TMEM177: variants seen among roughly 807,000 people sequenced by gnomAD.
TMEM177 encodes the protein transmembrane protein 177.
Under a neutral mutation model 14.2 loss-of-function variants are expected in TMEM177, and 4 were observed. The observed-to-expected ratio is 0.28, with a 90% CI of 0.14 to 0.64. TMEM177 has a LOEUF of 0.64. Among genes scored for constraint, TMEM177 ranks in the 30% least tolerant of loss-of-function variants. The probability of loss-of-function intolerance (pLI) is 0.82; values close to 1 mark genes in which losing one functional copy is unlikely to be tolerated. For missense variants in TMEM177, 344 were observed against 405.2 expected (o/e 0.85, Z 1.30); for synonymous variants, 179 against 174.5 (o/e 1.03, Z -0.20).
downstream of TMEM177, among the ~76,000 whole-genome samples, chr2:119,688,866 C>T (rs951544054): frequency 6.6e-6 from 1 of 152,204 alleles, no homozygotes; most frequent in South Asian, 2.1e-4. Context: ...ACTGACAGCC[C>T]CAGCTGCTGT....
chr2:119,687,340 A>G (rs934347303), downstream of TMEM177, among the ~76,000 whole-genome samples: 1 of 152,192 alleles, frequency 6.6e-6, no homozygotes, highest in Non-Finnish European at 1.5e-5. Context: ...ATGAGACTGC[A>G]TGTATTAATC....
At chr2:119,704,968 A>G in the TMEM177 span, among the ~76,000 whole-genome samples, 1 of 152,208 alleles carries the variant, frequency 6.6e-6, no homozygotes, top group African/African-American at 2.4e-5. Context: ...CACATCTGGA[A>G]GGGAAAGTTG....
the TMEM177 span, among the ~76,000 whole-genome samples, chr2:119,693,015 A>G: frequency 1.4e-5 from 2 of 144,722 alleles, no homozygotes; most frequent in African/African-American, 5.1e-5. Flanking sequence ...ATTTGTCCCC[A>G]GGTCCCTGTG....
At chr2:119,711,005 T>TC in the TMEM177 span, among the ~76,000 whole-genome samples, 1 of 152,022 alleles carries the variant, frequency 6.6e-6, no homozygotes, top group Non-Finnish European at 1.5e-5. Context: ...AAGATTATCT[T>TC]CCCCATTGCA....
the TMEM177 span, among the ~76,000 whole-genome samples, chr2:119,695,564 G>A: frequency 5.3e-5 from 8 of 152,336 alleles, no homozygotes; most frequent in African/African-American, 1.4e-4. Flanking sequence ...AGCAAGGGCA[G>A]AGAGGTGGGG....
At chr2:119,708,644 G>GACAC in the TMEM177 span, among the ~76,000 whole-genome samples, 28,652 of 146,658 alleles carry the variant, frequency 0.2, 2,780 homozygotes, top group South Asian at 0.27. Flanking sequence ...ATCACACGCA[G>GACAC]ACACACACAC....
At chr2:119,716,706 A>C in the TMEM177 span, among the ~76,000 whole-genome samples, 2 of 152,210 alleles carry the variant, frequency 1.3e-5, no homozygotes, top group Admixed American at 1.3e-4. Flanking sequence ...TCCAGAATAT[A>C]GATCCAATAT....
At chr2:119,707,014 C>T in the TMEM177 span, among the ~76,000 whole-genome samples, 9 of 151,958 alleles carry the variant, frequency 5.9e-5, no homozygotes, top group African/African-American at 1.9e-4. Context: ...CAGGTTCAAG[C>T]GATTCTCCTG....
Position 119,681,418 on chromosome 2 carries a change from T to G in TMEM177, c.565T>G (p.Tyr189Asp), listed in dbSNP as rs1456883886. 1 of 1,613,960 alleles carries G rather than the reference T, an allele frequency of 6.2e-7. No individual in the cohort carries two copies. The stretch of plus-strand genomic sequence containing the variant: ...CTGGGCACTGGGCGTGGGTGCCAAG[T>G]ACACCCTGGGGCTCCATGCAGGCCC... ...GTWALGVGAKYTLGLHAGPMN... is the reference protein window; with the variant it reads ...GTWALGVGAKDTLGLHAGPMN... The change falls in exon 2 of 2, where the codon TAC (tyrosine) becomes GAC (aspartate). Residue 189 changes from tyrosine (Y) to aspartate (D), a missense_variant. Physicochemically the swap from Tyr to Asp is radical, Grantham distance 160. Coordinates refer to ENST00000272521, the MANE Select transcript of TMEM177 (RefSeq NM_030577.3).
At chr2:119,697,335 T>C in the TMEM177 span, among the ~76,000 whole-genome samples, 1 of 152,200 alleles carries the variant, frequency 6.6e-6, no homozygotes, top group African/African-American at 2.4e-5. Context: ...CCAAGGCTTG[T>C]GGGTCACTTG....
chr2:119,682,240 GCTCT>G (rs1319916120), downstream of TMEM177: 2 of 154,798 alleles, frequency 1.3e-5, no homozygotes, highest in African/African-American at 4.9e-5. Context: ...CCCTCCTCAG[GCTCT>G]CAAAGTGCTG....
the TMEM177 span, among the ~76,000 whole-genome samples, chr2:119,721,490 G>A: frequency 6.6e-6 from 1 of 152,212 alleles, no homozygotes; most frequent in African/African-American, 2.4e-5. Flanking sequence ...AGTTCTGTGA[G>A]TCATTCTAGT....
At chr2:119,701,412 G>C in the TMEM177 span, among the ~76,000 whole-genome samples, 2 of 152,196 alleles carry the variant, frequency 1.3e-5, no homozygotes, top group South Asian at 4.1e-4. Flanking sequence ...CTGAGGCCCT[G>C]GGAGGTGGCA....
the TMEM177 span, among the ~76,000 whole-genome samples, chr2:119,720,190 A>G: frequency 6.6e-6 from 1 of 152,228 alleles, no homozygotes; most frequent in Non-Finnish European, 1.5e-5. Context: ...TAACAGTGCC[A>G]TGCTGAGTGA....
chr2:119,681,617 C>G lies in TMEM177; in HGVS notation c.764C>G (p.Ser255Trp), dbSNP rs1333984503. The part of the protein sequence containing the change: ...GGVEFYEKLL[S>W]GNLALRSLLG... ...GTGGAGTTCTATGAGAAGCTTCTGTCGGGCAACCTGGCCCTGCGCAGTCTC... is the reference window on the plus strand; with the variant it reads ...GTGGAGTTCTATGAGAAGCTTCTGTGGGGCAACCTGGCCCTGCGCAGTCTC... Residue 255 changes from serine (S) to tryptophan (W), a missense_variant, in exon 2 of 2, where the codon TCG becomes TGG. Coordinates refer to ENST00000272521, the MANE Select transcript of TMEM177 (RefSeq NM_030577.3). The G allele has an allele frequency of 1.2e-6, 2 of 1,614,120 alleles. No homozygotes were observed. The highest frequency in any genetic ancestry group is 1.7e-6 in the Non-Finnish European group (2 of 1,180,050).
At position 119,680,991 on chromosome 2, in the gene TMEM177, C is replaced by T. The variant is rs372400896; in HGVS notation, c.138C>T (p.Tyr46=). 189 of 1,614,240 alleles carry T rather than the reference C, an allele frequency of 1.2e-4. 3 individuals carry two copies. Among genetic ancestry groups the T allele is most frequent in the Middle Eastern group, 1.2e-3 (7 of 6,062 alleles). ...CGGATCCCGTGGTCCAATGGCTCTA[C>T]CAGTACTGGCCTCAGGGCCAGCCAG... The part of the protein sequence containing the change: ...LFPDPVVQWL[Y]QYWPQGQPAP... The change falls in exon 2 of 2, where the codon TAC becomes TAT. Residue 46 remains tyrosine, a synonymous_variant. Coordinates refer to ENST00000272521, the MANE Select transcript of TMEM177 (RefSeq NM_030577.3).
downstream of TMEM177, among the ~76,000 whole-genome samples, chr2:119,687,459 A>C (rs1165269086): frequency 6.6e-6 from 1 of 152,200 alleles, no homozygotes; most frequent in African/African-American, 2.4e-5. Context: ...GGAAACTTAC[A>C]ATCATGGCAG....
At chr2:119,707,228 G>C in the TMEM177 span, among the ~76,000 whole-genome samples, 1 of 152,112 alleles carries the variant, frequency 6.6e-6, no homozygotes, top group East Asian at 1.9e-4. Context: ...CACCCACCCC[G>C]AGGACTTCCA....
At chr2:119,697,300 C>T in the TMEM177 span, among the ~76,000 whole-genome samples, 3 of 152,342 alleles carry the variant, frequency 2.0e-5, no homozygotes, top group South Asian at 6.2e-4. Flanking sequence ...GTGGCTCATG[C>T]CTGCAATCCC....
Sources: gnomAD v4.1 joint callset for allele counts (sites outside exome capture counted in the v4.1 genomes callset) on GRCh38, gnomAD v4.1.1 for gene constraint, MANE v1.5 for transcripts, NCBI Gene and HGNC (gene_info 2026-07-23, HGNC 2026-07-21) for gene names.